The following CDH26 variants were observed in gnomAD, a reference collection of about 807,000 sequenced individuals.
The protein encoded by CDH26 is cadherin-like protein 26.
CDH26 carries 83 observed loss-of-function variants against 90.3 expected under a neutral mutation model. The ratio of observed to expected loss-of-function variants is 0.92; its 90% CI spans 0.77 to 1.10. The LOEUF (loss-of-function observed/expected upper bound fraction) is 1.10. Among genes scored for constraint, CDH26 ranks in the 50% least tolerant of loss-of-function variants. The pLI is 0.00. For missense variants in CDH26, 1,013 were observed against 1,037.6 expected, an observed-to-expected ratio of 0.98 and a Z score of 0.33; for synonymous variants, 397 against 396.3, an observed-to-expected ratio of 1.00 and a Z score of -0.02.
At chr20:60,025,789 C>T (rs181330055) in intron 7 of CDH26, among the ~76,000 whole-genome samples, 36 of 152,294 alleles carry the variant, frequency 2.4e-4, no homozygotes, top group Admixed American at 2.0e-3. Flanking sequence ...GCTGGCACTG[C>T]CAGTTTCCCC....
At chr20:59,979,785 C>T (rs927447262) in intron 4 of CDH26, among the ~76,000 whole-genome samples, 2 of 151,544 alleles carry the variant, frequency 1.3e-5, no homozygotes, top group African/African-American at 4.8e-5. Flanking sequence ...CACCACCACA[C>T]CTGGCTAATT....
chr20:59,960,084 C>T (rs555192687), intron 1 of CDH26, among the ~76,000 whole-genome samples: 24 of 152,236 alleles, frequency 1.6e-4, no homozygotes, highest in South Asian at 6.2e-4. Flanking sequence ...CTTCACAGCC[C>T]GCTGGGGACC....
intron 1 of CDH26, among the ~76,000 whole-genome samples, chr20:59,963,848 C>T (rs1303424967): frequency 6.6e-6 from 1 of 151,454 alleles, no homozygotes; most frequent in Non-Finnish European, 1.5e-5. Context: ...CTTTCCTCAT[C>T]ATCCAAAAAT....
intron 1 of CDH26, among the ~76,000 whole-genome samples, chr20:59,968,643 A>G (rs192521391): frequency 4.1e-4 from 62 of 152,326 alleles, no homozygotes; most frequent in Admixed American, 6.5e-4. Flanking sequence ...ACATGTGTAC[A>G]TATAAATACA....
intron 7 of CDH26, among the ~76,000 whole-genome samples, chr20:60,019,944 C>T (rs925729114): frequency 6.6e-5 from 10 of 151,892 alleles, no homozygotes; most frequent in Non-Finnish European, 1.0e-4. Context: ...GTAGTGTAGT[C>T]TCTATGTAGT....
intron 17 of CDH26, among the ~76,000 whole-genome samples, chr20:60,011,565 G>A (rs1343938356): frequency 1.3e-5 from 2 of 152,176 alleles, no homozygotes; most frequent in African/African-American, 2.4e-5. Flanking sequence ...AGGATTTGAA[G>A]GCCAGTTCCC....
At chr20:59,994,146 C>T (rs2061561435) in intron 10 of CDH26, 104 bp from the exon 11 acceptor site, 1 of 1,429,446 alleles carries the variant, frequency 7.0e-7, no homozygotes, top group Middle Eastern at 1.8e-4. Context: ...GAAACAGTTC[C>T]AGTATTTCAG....
intron 4 of CDH26, among the ~76,000 whole-genome samples, chr20:59,972,481 A>G (rs1053605904): frequency 6.6e-6 from 1 of 152,232 alleles, no homozygotes; most frequent in African/African-American, 2.4e-5. Context: ...GAGACAAGCC[A>G]TAACAGACCC....
intron 7 of CDH26, among the ~76,000 whole-genome samples, chr20:59,987,096 G>C (rs1458329564): frequency 6.6e-6 from 1 of 152,200 alleles, no homozygotes; most frequent in Non-Finnish European, 1.5e-5. Context: ...TTTAGGGGAA[G>C]AGCTAGGATT....
chr20:60,029,378 G>GTCAACAACGTAGCACCTATAA lies in CDH26; in HGVS notation c.948-1833_948-1832insATCAACAACGTAGCACCTATA, dbSNP rs1195318044. Among the ~76,000 whole-genome samples, 108 of 152,102 alleles carry GTCAACAACGTAGCACCTATAA rather than the reference G, an allele frequency of 7.1e-4. 1 individual carries two copies. Among genetic ancestry groups the GTCAACAACGTAGCACCTATAA allele is most frequent in the Admixed American group, 1.0e-3 (16 of 15,278 alleles). On this transcript the variant is annotated intron_variant, in intron 7 of 8. Transcript: ENST00000370991. ...TATAGTCAACAACGTAGCATCTATA[G>GTCAACAACGTAGCACCTATAA]TCAACAACGTAGCACCTATAGTCAA...
chr20:59,984,923 C>T, intron 6 of CDH26, 78 bp from the exon 7 acceptor site: 1 of 1,572,578 alleles, frequency 6.4e-7, no homozygotes, highest in Non-Finnish European at 8.7e-7. Context: ...TATTGAAATT[C>T]CTAAACAGAA....
chr20:59,983,806 T>C (rs1447988329), intron 5 of CDH26, among the ~76,000 whole-genome samples: 1 of 152,230 alleles, frequency 6.6e-6, no homozygotes, highest in Non-Finnish European at 1.5e-5. Flanking sequence ...ATATTTGGTG[T>C]GCTTTTTCAC....
chr20:59,996,088 G>T (rs1267122231), intron 12 of CDH26, 34 bp downstream of exon 12: 2 of 1,595,014 alleles, frequency 1.3e-6, no homozygotes, highest in Non-Finnish European at 1.7e-6. Flanking sequence ...TGGGACTGTG[G>T]CTCCTCTCCC....
chr20:59,986,616 TACACACACACACACACACAC>T (rs3043440), intron 7 of CDH26, among the ~76,000 whole-genome samples: 1 of 136,770 alleles, frequency 7.3e-6, no homozygotes, highest in Non-Finnish European at 1.6e-5. Flanking sequence ...TAAATCCCCC[TACACACACACACACACACAC>T]ACACACACAC....
chr20:59,994,260 G>T lies in CDH26; in HGVS notation c.1437G>T (p.Pro479=), dbSNP rs2061563636. 2 of 1,613,448 alleles carry T rather than the reference G, an allele frequency of 1.2e-6. No homozygotes were observed. The highest frequency in any genetic ancestry group is 1.1e-5 in the South Asian group (1 of 91,004). Residue 479 remains proline, a synonymous_variant, in exon 11 of 18, where the codon CCG becomes CCT. Transcript: ENST00000348616. ...IIHAVDDGFP[P]QTATGTLMLF... Reference sequence around the variant, plus strand: ...TCCTCCCCATACAAGGCTTCCCACCGCAGACTGCTACAGGGACCCTAATGC... The same window carrying T: ...TCCTCCCCATACAAGGCTTCCCACCTCAGACTGCTACAGGGACCCTAATGC...
downstream of CDH26, among the ~76,000 whole-genome samples, chr20:60,014,731 T>C (rs2061890350): frequency 6.6e-6 from 1 of 152,266 alleles, no homozygotes; most frequent in Non-Finnish European, 1.5e-5. Context: ...TTCCACATCT[T>C]GGCTATTGTG....
intron 11 of CDH26, among the ~76,000 whole-genome samples, chr20:59,994,768 T>C (rs999025598): frequency 7.9e-5 from 12 of 152,014 alleles, no homozygotes; most frequent in African/African-American, 2.9e-4. Flanking sequence ...AAGAAGGGTG[T>C]TTCCAGGGAA....
chr20:59,988,814 G>T, intron 8 of CDH26, 90 bp from the exon 9 acceptor site: 2 of 1,434,364 alleles, frequency 1.4e-6, no homozygotes, highest in Non-Finnish European at 1.9e-6. Context: ...AAAGCCACAA[G>T]CTCTGAGTTT....
chr20:59,989,202 G>A (rs1165768566), intron 9 of CDH26, 39 bp downstream of exon 9: 3 of 1,608,310 alleles, frequency 1.9e-6, no homozygotes, highest in East Asian at 2.2e-5. Flanking sequence ...TGTTTAAGTG[G>A]AAATAGCCAC....
Sources: allele counts gnomAD v4.1 joint callset (sites outside exome capture counted in the v4.1 genomes callset), GRCh38; gene constraint gnomAD v4.1.1; transcripts MANE v1.5; gene names NCBI Gene and HGNC (gene_info 2026-07-23, HGNC 2026-07-21).